The following EPHA5 variants were observed in gnomAD, a reference collection of about 807,000 sequenced individuals.
EPHA5 encodes EPH receptor A5.
A neutral mutation model predicts 105.0 loss-of-function variants in EPHA5; 60 were observed. The ratio of observed to expected loss-of-function variants is 0.57; its 90% CI spans 0.46 to 0.71. The LOEUF (loss-of-function observed/expected upper bound fraction) is 0.71, where lower values mean the gene tolerates loss of function less well. EPHA5 is among the 30% of genes least tolerant of loss of function. The pLI is 0.00. For missense variants in EPHA5, 1,218 were observed against 1,274.7 expected (o/e 0.96, Z 0.68); for synonymous variants, 513 against 449.1 (o/e 1.14, Z -1.80).
chr4:65,338,867 C>A (rs192282161), intron 14 of EPHA5, among the ~76,000 whole-genome samples: 2 of 151,982 alleles, frequency 1.3e-5, no homozygotes, highest in East Asian at 3.9e-4. Flanking sequence ...GACCAAAGTG[C>A]AATTTAGGTG....
At chr4:65,463,152 A>G (rs28730403) in intron 5 of EPHA5, among the ~76,000 whole-genome samples, 37,752 of 152,092 alleles carry the variant, frequency 0.25, 5,154 homozygotes, top group Middle Eastern at 0.35. Context: ...TCTCTCTACT[A>G]CTTTGCCACT....
chr4:65,596,605 T>C (rs1743212750), intron 3 of EPHA5, among the ~76,000 whole-genome samples: 1 of 152,090 alleles, frequency 6.6e-6, no homozygotes, highest in Non-Finnish European at 1.5e-5. Flanking sequence ...ATTTGAATTA[T>C]TCTCTTGTGT....
intron 1 of EPHA5, among the ~76,000 whole-genome samples, chr4:65,669,103 T>A (rs1750223039): frequency 6.6e-6 from 1 of 151,906 alleles, no homozygotes; most frequent in Non-Finnish European, 1.5e-5. Context: ...ACGTTTCCCA[T>A]CACTGGCCTC....
rs543258930 is a variant in EPHA5 at position 65,320,624 on chromosome 4, T to C, written c.*3490A>G. ...TGCTTGTGCTTCTGAGAACCCACTTTACATGGCATAAATAATGGTGTTAAA... is the reference window on the plus strand; with the variant it reads ...TGCTTGTGCTTCTGAGAACCCACTTCACATGGCATAAATAATGGTGTTAAA... On this transcript the variant is annotated 3_prime_UTR_variant, in exon 17 of 17. Coordinates refer to ENST00000613740, the MANE Select transcript of EPHA5 (RefSeq NM_001281766.3). 3.9e-5 allele frequency: 9 copies of C among 229,874 alleles called. No individual in the cohort carries two copies. Among genetic ancestry groups the C allele is most frequent in the East Asian group, 3.7e-4 (6 of 16,244 alleles). 14.2% of individuals were successfully genotyped at this position (229,874 alleles called of 1,614,324 possible). A position where few individuals can be genotyped will look rare whatever the true frequency, so the allele number is the denominator to read the frequency against.
intron 11 of EPHA5, among the ~76,000 whole-genome samples, chr4:65,364,290 T>C (rs1356633061): frequency 6.6e-6 from 1 of 151,514 alleles, no homozygotes; most frequent in Non-Finnish European, 1.5e-5. Flanking sequence ...TCAGAACACA[T>C]AGAAACAGTA....
chr4:65,411,440 A>T (rs1436858627), intron 7 of EPHA5, among the ~76,000 whole-genome samples: 1 of 152,160 alleles, frequency 6.6e-6, no homozygotes, highest in Non-Finnish European at 1.5e-5. Flanking sequence ...TATTTGTATC[A>T]TCCTTATGAA....
intron 5 of EPHA5, among the ~76,000 whole-genome samples, chr4:65,433,742 T>A (rs1725212804): frequency 6.6e-6 from 1 of 152,186 alleles, no homozygotes; most frequent in African/African-American, 2.4e-5. Context: ...CTGGACTTCC[T>A]TGGCTCCAGC....
At chr4:65,630,145 G>T (rs1400796527) in intron 2 of EPHA5, among the ~76,000 whole-genome samples, 1 of 151,674 alleles carries the variant, frequency 6.6e-6, no homozygotes, top group Non-Finnish European at 1.5e-5. Flanking sequence ...ATGGTCAGGT[G>T]GTTAGTAACT....
chr4:65,514,519 G>T (rs1733918226), intron 3 of EPHA5, among the ~76,000 whole-genome samples: 1 of 152,130 alleles, frequency 6.6e-6, no homozygotes, highest in Non-Finnish European at 1.5e-5. Context: ...AGACATGTTA[G>T]TGAATCTTGA....
rs988666572 is a variant in EPHA5, at chr4:65,650,409, A to T, written c.182-6982T>A. 7.3e-3 allele frequency among the ~76,000 whole-genome samples: 973 copies of T among 133,858 alleles called. 9 individuals are homozygous for T. Among genetic ancestry groups the T allele is most frequent in the African/African-American group, 0.025 (906 of 36,038 alleles). The allele number at this position is 133,858 out of a possible 152,430, so 87.8% of individuals were successfully genotyped here. A position where few individuals can be genotyped will look rare whatever the true frequency, so the allele number is the denominator to read the frequency against. On this transcript the variant is annotated intron_variant, in intron 1 of 16. Transcript: ENST00000613740. ...AAACATACAAAAAAAAAAAAAAAAA[A>T]TTAACCAGGGCTTGGTGGCGGGCGC... is the stretch of plus-strand genomic sequence containing the variant.
At chr4:65,619,163 C>A (rs546723385) in intron 2 of EPHA5, among the ~76,000 whole-genome samples, 5 of 152,040 alleles carry the variant, frequency 3.3e-5, no homozygotes, top group South Asian at 2.1e-4. Context: ...AAAGAATAAA[C>A]AAATTACATT....
rs1050253021 is a variant in EPHA5 at position 65,665,106 on chromosome 4, C to T, written c.181+4456G>A. 4.0e-5 allele frequency among the ~76,000 whole-genome samples: 6 copies of T among 151,582 alleles called. No individual in the cohort carries two copies. In the South Asian group the frequency reaches 6.2e-4, roughly 16 times the overall value. On this transcript the variant is annotated intron_variant, in intron 1 of 16. Transcript: ENST00000613740. Reference sequence around the variant, plus strand: ...CAATTATTTCTTTGAAGTATGAACACGATATTTTTCTTTTGAAAAAAGAAC... The same window carrying T: ...CAATTATTTCTTTGAAGTATGAACATGATATTTTTCTTTTGAAAAAAGAAC...
intron 2 of EPHA5, among the ~76,000 whole-genome samples, chr4:65,613,303 A>G (rs1450559577): frequency 6.6e-6 from 1 of 152,042 alleles, no homozygotes; most frequent in Admixed American, 6.6e-5. Flanking sequence ...GAAGTTAGGT[A>G]ATGTGATGCC....
At chr4:65,405,670 T>C (rs566836284) in intron 7 of EPHA5, among the ~76,000 whole-genome samples, 4 of 152,164 alleles carry the variant, frequency 2.6e-5, no homozygotes, top group Non-Finnish European at 5.9e-5. Context: ...ATTTTCAATA[T>C]AAGTCAGTGC....
chr4:65,444,944 T>A (rs1726374815), intron 5 of EPHA5, among the ~76,000 whole-genome samples: 1 of 152,094 alleles, frequency 6.6e-6, no homozygotes, highest in African/African-American at 2.4e-5. Context: ...ACTTAACACA[T>A]TTTTATTTTG....
chr4:65,466,122 G>A (rs1465076868), intron 5 of EPHA5, among the ~76,000 whole-genome samples: 1 of 152,274 alleles, frequency 6.6e-6, no homozygotes, highest in African/African-American at 2.4e-5. Flanking sequence ...GTGCATGTGT[G>A]TGGGCATGTG....
At chr4:65,600,776 C>T (rs915600954) in intron 3 of EPHA5, among the ~76,000 whole-genome samples, 1 of 152,046 alleles carries the variant, frequency 6.6e-6, no homozygotes, top group African/African-American at 2.4e-5. Context: ...TAAATAAAAA[C>T]ATGCTGCTTT....
In EPHA5 at chr4:65,481,209, T is replaced by G. The variant is rs74530526; in HGVS notation, c.1402+9168A>C. Among the ~76,000 whole-genome samples, 109 of 152,330 alleles carry G rather than the reference T, an allele frequency of 7.2e-4. 2 individuals carry two copies. The East Asian group carries it at 0.02, about 28-fold the overall frequency. On this transcript the variant is annotated intron_variant, in intron 5 of 16. Coordinates refer to ENST00000613740, the MANE Select transcript of EPHA5 (RefSeq NM_001281766.3). ...CATCTCCAAGATTAAGTTCTTAGTT[T>G]AAATCACATTGAAATGATCAGAGCA... is the stretch of plus-strand genomic sequence containing the variant.
intron 6 of EPHA5, among the ~76,000 whole-genome samples, chr4:65,417,194 T>C (rs1049508565): frequency 1.3e-5 from 2 of 152,210 alleles, no homozygotes; most frequent in Non-Finnish European, 2.9e-5. Context: ...CAATGACCTC[T>C]ATTAGAGCAG....
Sources: allele counts gnomAD v4.1 joint callset (sites outside exome capture counted in the v4.1 genomes callset), GRCh38; gene constraint gnomAD v4.1.1; transcripts MANE v1.5; gene names NCBI Gene and HGNC (gene_info 2026-07-23, HGNC 2026-07-21).